Variants in ZNRF3 observed in about 807,000 individuals in gnomAD.
The protein encoded by ZNRF3 is E3 ubiquitin-protein ligase ZNRF3.
Under a neutral mutation model 72.5 loss-of-function variants are expected in ZNRF3, and 23 were observed. The ratio of observed to expected loss-of-function variants is 0.32; its 90% CI spans 0.23 to 0.45. ZNRF3 has a LOEUF of 0.45. Ranked by LOEUF, ZNRF3 falls within the 20% of genes least tolerant of loss-of-function variation. The probability of loss-of-function intolerance (pLI) is 1.00; values close to 1 mark genes in which losing one functional copy is unlikely to be tolerated. For synonymous variants in ZNRF3, 610 were observed against 545.3 expected (o/e 1.12, Z -1.65); for missense variants, 1,169 against 1,272.1 (o/e 0.92, Z 1.23).
At chr22:28,978,128 C>A (rs1380739694) in intron 1 of ZNRF3, among the ~76,000 whole-genome samples, 5 of 152,142 alleles carry the variant, frequency 3.3e-5, no homozygotes, top group African/African-American at 1.2e-4. Context: ...TTGTTTGATA[C>A]CTGGTACCAG....
At chr22:28,963,465 G>A (rs943823463) in intron 1 of ZNRF3, among the ~76,000 whole-genome samples, 1 of 152,276 alleles carries the variant, frequency 6.6e-6, no homozygotes, top group Admixed American at 6.5e-5. Context: ...GCAGGAGAGG[G>A]GGGTAGGGAG....
intron 1 of ZNRF3, among the ~76,000 whole-genome samples, chr22:28,896,344 A>G (rs1053474991): frequency 6.6e-6 from 1 of 152,178 alleles, no homozygotes; most frequent in African/African-American, 2.4e-5. Flanking sequence ...CATGTTGGCC[A>G]GGATGGTCTC....
At chr22:29,038,775 A>G (rs1005750852) in intron 2 of ZNRF3, among the ~76,000 whole-genome samples, 1 of 152,184 alleles carries the variant, frequency 6.6e-6, no homozygotes, top group Non-Finnish European at 1.5e-5. Context: ...CCTCCTGTCC[A>G]GTCCTGGTGT....
At chr22:29,031,503 G>T in intron 2 of ZNRF3, 2 of 872,930 alleles carry the variant, frequency 2.3e-6, no homozygotes, top group Non-Finnish European at 2.8e-6. Flanking sequence ...TGCCCAGCGA[G>T]AATGTCCTGT....
Position 29,049,215 on chromosome 22 carries a change from G to C in ZNRF3, c.1034G>C (p.Ser345Thr), listed in dbSNP as rs778321784. Residue 345 changes from serine to threonine, a missense_variant, in exon 8 of 9, where the codon AGC becomes ACC. Transcript: ENST00000544604. The surrounding 1 kb of genome is among the most constrained non-coding windows in gnomAD (Gnocchi z 5.2). ...HNIIEQKGNP[S>T]AVCVETSNLS... ...TCTCCAGAACAAAAGGGAAACCCAA[G>C]CGCGGTGTGTGTGGAGACCAGCAAC... 1 of 1,603,836 alleles carries C rather than the reference G, an allele frequency of 6.2e-7. No homozygotes were observed. Among genetic ancestry groups the C allele is most frequent in the African/African-American group, 1.3e-5 (1 of 74,796 alleles).
Position 29,049,094 on chromosome 22 carries a change from A to G in ZNRF3, c.1016-103A>G. 7.5e-7 allele frequency: 1 copy of G among 1,334,656 alleles called. No individual in the cohort carries two copies. Among genetic ancestry groups the G allele is most frequent in the Admixed American group, 2.3e-5 (1 of 43,266 alleles). 82.7% of individuals were successfully genotyped at this position (1,334,656 alleles called of 1,614,324 possible). ...GTGAGAATGGGTACCTTGGCAGGTG[A>G]CCAAGCCTGCTGCTTCAGCCTTTGC... On this transcript the variant is annotated intron_variant, in intron 7 of 8. Coordinates refer to ENST00000544604, the MANE Select transcript of ZNRF3 (RefSeq NM_001206998.2). This position sits in a 1 kb window ranked among gnomAD's most constrained non-coding sequence, Gnocchi z 5.2.
chr22:28,975,229 C>T (rs1465769927), intron 1 of ZNRF3, among the ~76,000 whole-genome samples: 2 of 151,928 alleles, frequency 1.3e-5, no homozygotes, highest in Non-Finnish European at 2.9e-5. Context: ...CCAGGCCAGG[C>T]GCAGTGGCTC....
At chr22:29,053,382 C>G (rs1205185095) in intron 8 of ZNRF3, among the ~76,000 whole-genome samples, 197 bp from the exon 9 acceptor site, 1 of 152,218 alleles carries the variant, frequency 6.6e-6, no homozygotes, top group African/African-American at 2.4e-5. Flanking sequence ...TCTCTACATC[C>G]AAGTGAGAGG....
chr22:28,977,943 A>C (rs1287590657), intron 1 of ZNRF3, among the ~76,000 whole-genome samples: 2 of 152,214 alleles, frequency 1.3e-5, no homozygotes, highest in Non-Finnish European at 2.9e-5. Context: ...AAGGGAACAT[A>C]GTTCTTTTTC....
intron 1 of ZNRF3, among the ~76,000 whole-genome samples, chr22:28,970,544 C>T (rs563212377): frequency 8.1e-4 from 123 of 152,286 alleles, no homozygotes; most frequent in Admixed American, 4.0e-3. Flanking sequence ...CATTTGTCTA[C>T]GCAAACCTAC....
intron 1 of ZNRF3, among the ~76,000 whole-genome samples, chr22:28,910,058 A>G (rs1290094611): frequency 1.2e-4 from 18 of 150,542 alleles, no homozygotes; most frequent in Admixed American, 1.1e-3. Context: ...TTTTGGAGAC[A>G]GAGTTTTGCT....
chr22:29,016,026 AAAAC>A (rs1031451228), intron 2 of ZNRF3, among the ~76,000 whole-genome samples: 3 of 143,058 alleles, frequency 2.1e-5, no homozygotes, highest in African/African-American at 8.4e-5. Context: ...AAAAAAAAAA[AAAAC>A]AAAAAAACTG....
At chr22:29,020,645 G>A (rs1178535876) in intron 2 of ZNRF3, among the ~76,000 whole-genome samples, 8 of 152,000 alleles carry the variant, frequency 5.3e-5, no homozygotes, top group Admixed American at 1.3e-4. Flanking sequence ...AAGGAGGGCC[G>A]ACTGTATACT....
intron 2 of ZNRF3, among the ~76,000 whole-genome samples, chr22:29,019,937 C>T (rs771587622): frequency 6.6e-5 from 10 of 152,100 alleles, no homozygotes; most frequent in Admixed American, 2.0e-4. Flanking sequence ...ACCCCACCCC[C>T]ATCTTGATTA....
intron 8 of ZNRF3, among the ~76,000 whole-genome samples, chr22:29,052,538 T>C (rs2037224636): frequency 1.3e-5 from 2 of 151,712 alleles, no homozygotes; most frequent in Admixed American, 6.6e-5. Context: ...AATAAAAATA[T>C]GAAAATTAGC....
intron 1 of ZNRF3, among the ~76,000 whole-genome samples, chr22:28,934,407 A>T (rs1157355985): frequency 6.6e-6 from 1 of 152,270 alleles, no homozygotes; most frequent in Non-Finnish European, 1.5e-5. Context: ...GTTAAACAAC[A>T]ATCACAAAAA....
intron 2 of ZNRF3, among the ~76,000 whole-genome samples, chr22:29,015,147 A>T (rs368215704): frequency 1.3e-5 from 2 of 152,352 alleles, no homozygotes; most frequent in African/African-American, 4.8e-5. Context: ...CCTTTATTTT[A>T]GGTATCTCGT....
At chr22:29,042,843 C>T (rs1278212693) in intron 3 of ZNRF3, among the ~76,000 whole-genome samples, 2 of 151,846 alleles carry the variant, frequency 1.3e-5, no homozygotes, top group Non-Finnish European at 2.9e-5. Context: ...GGCGCAATTT[C>T]AGCTCACTGC....
intron 1 of ZNRF3, among the ~76,000 whole-genome samples, chr22:28,985,685 C>T (rs2035844487): frequency 6.6e-6 from 1 of 152,218 alleles, no homozygotes; most frequent in South Asian, 2.1e-4. Flanking sequence ...GGGTGTGCCA[C>T]ATACTGGCTG....
Sources: gnomAD v4.1 joint callset for allele counts (sites outside exome capture counted in the v4.1 genomes callset) on GRCh38, gnomAD v4.1.1 for gene constraint, Gnocchi (gnomAD v3.1) non-coding constraint, MANE v1.5 for transcripts, NCBI Gene and HGNC (gene_info 2026-07-23, HGNC 2026-07-21) for gene names.